Variants in PAX5 observed in about 807,000 individuals in gnomAD.
PAX5 encodes paired box protein Pax-5.
In PAX5, 9 loss-of-function variants were observed where a neutral mutation model predicts 43.7. The observed-to-expected ratio is 0.21, with a 90% CI of 0.12 to 0.36. PAX5 has a LOEUF of 0.36. PAX5 is among the 10% of genes least tolerant of loss of function. The pLI, the probability that PAX5 is intolerant of heterozygous loss-of-function variation, is 1.00. For synonymous variants in PAX5, 228 were observed against 214.3 expected (o/e 1.06, Z -0.56); for missense variants, 383 against 532.7 (o/e 0.72, Z 2.77).
chr9:37,019,205 CTT>C (rs1361917451), intron 2 of PAX5, among the ~76,000 whole-genome samples: 1 of 152,234 alleles, frequency 6.6e-6, no homozygotes, highest in East Asian at 1.9e-4. Context: ...TCTCTTTTCT[CTT>C]TGTCTTCTTT....
intron 3 of PAX5, among the ~76,000 whole-genome samples, chr9:37,009,210 G>A (rs1198971241): frequency 1.3e-5 from 2 of 152,152 alleles, no homozygotes; most frequent in African/African-American, 4.8e-5. Flanking sequence ...TCATTAAGAG[G>A]CTGCAGTAGC....
intron 6 of PAX5, among the ~76,000 whole-genome samples, chr9:36,964,943 C>A (rs1019347417): frequency 3.3e-5 from 5 of 152,160 alleles, no homozygotes; most frequent in African/African-American, 4.8e-5. Context: ...TCATCGCCCG[C>A]CCATCCCTGA....
intron 4 of PAX5, among the ~76,000 whole-genome samples, chr9:37,006,030 T>C (rs1308024876): frequency 2.0e-5 from 3 of 152,322 alleles, no homozygotes; most frequent in Middle Eastern, 3.4e-3. Flanking sequence ...TTGGGAACTT[T>C]TGCCACATCT....
intron 8 of PAX5, among the ~76,000 whole-genome samples, chr9:36,850,790 A>C (rs1587750482): frequency 6.6e-6 from 1 of 152,134 alleles, no homozygotes; most frequent in East Asian, 1.9e-4. Context: ...CGCTCTCTGG[A>C]GTTGGTCACA....
At chr9:36,929,301 G>C (rs1052028148) in intron 6 of PAX5, among the ~76,000 whole-genome samples, 20 of 151,838 alleles carry the variant, frequency 1.3e-4, no homozygotes, top group African/African-American at 4.6e-4. Flanking sequence ...ATGGATGAGA[G>C]AGAGAGAGAG....
chr9:36,981,691 C>T (rs1407351341), intron 5 of PAX5, among the ~76,000 whole-genome samples: 3 of 152,202 alleles, frequency 2.0e-5, no homozygotes, highest in Non-Finnish European at 4.4e-5. Context: ...TGAATGACAC[C>T]CCAGGGAAGA....
chr9:37,016,786 G>A (rs1044077070), intron 2 of PAX5, among the ~76,000 whole-genome samples: 7 of 152,224 alleles, frequency 4.6e-5, no homozygotes, highest in African/African-American at 9.6e-5. Flanking sequence ...GGTAGAAAAT[G>A]TTACCCAAGA....
intron 9 of PAX5, among the ~76,000 whole-genome samples, chr9:36,842,265 G>A (rs1270873586): frequency 6.6e-6 from 1 of 152,198 alleles, no homozygotes; most frequent in Non-Finnish European, 1.5e-5. Context: ...TGTCTGCAGT[G>A]CCTGCCCTTC....
intron 6 of PAX5, among the ~76,000 whole-genome samples, chr9:36,960,885 C>T (rs1833917361): frequency 6.6e-6 from 1 of 152,214 alleles, no homozygotes; most frequent in South Asian, 2.1e-4. Flanking sequence ...ATGCCTTCTC[C>T]AGCCCGCCAT....
At chr9:36,844,436 T>C (rs1487906212) in intron 9 of PAX5, among the ~76,000 whole-genome samples, 1 of 151,978 alleles carries the variant, frequency 6.6e-6, no homozygotes, top group Non-Finnish European at 1.5e-5. Flanking sequence ...GATAATAATA[T>C]GTGCTCTGTA....
chr9:36,990,913 C>G (rs1024212736), intron 5 of PAX5, among the ~76,000 whole-genome samples: 3 of 152,162 alleles, frequency 2.0e-5, no homozygotes, highest in African/African-American at 7.2e-5. Flanking sequence ...AGTTTGAGAC[C>G]AGCCTGGACA....
At chr9:36,945,150 G>A (rs905435933) in intron 6 of PAX5, among the ~76,000 whole-genome samples, 1 of 152,112 alleles carries the variant, frequency 6.6e-6, no homozygotes, top group Non-Finnish European at 1.5e-5. Flanking sequence ...CTATGAACTG[G>A]AAGATATTTG....
intron 7 of PAX5, among the ~76,000 whole-genome samples, chr9:36,894,304 T>C (rs1827668632): frequency 6.6e-6 from 1 of 152,238 alleles, no homozygotes; most frequent in Non-Finnish European, 1.5e-5. Flanking sequence ...ATTCAGAACA[T>C]ACCTGTCAAA....
intron 8 of PAX5, among the ~76,000 whole-genome samples, chr9:36,849,630 G>A (rs1156540672): frequency 2.6e-5 from 4 of 152,200 alleles, no homozygotes. Flanking sequence ...CACAGCCAGG[G>A]GTGTGTTGGA....
intron 5 of PAX5, among the ~76,000 whole-genome samples, chr9:36,982,736 G>A (rs988915712): frequency 2.0e-5 from 3 of 152,174 alleles, no homozygotes; most frequent in Non-Finnish European, 2.9e-5. Flanking sequence ...GCGGGGTCAC[G>A]TAGCTTTCAC....
intron 8 of PAX5, among the ~76,000 whole-genome samples, chr9:36,878,042 A>C (rs926732526): frequency 2.0e-5 from 3 of 152,292 alleles, no homozygotes; most frequent in African/African-American, 7.2e-5. Flanking sequence ...AACGAACCAC[A>C]AAACCTGGAG....
chr9:37,020,594 T>C (rs767388251), intron 2 of PAX5, 42 bp downstream of exon 2: 3 of 1,599,828 alleles, frequency 1.9e-6, no homozygotes, highest in Non-Finnish European at 2.6e-6. Context: ...TTTTAGGTCT[T>C]TATTTGAAAG....
At position 36,834,618 on chromosome 9, in the gene PAX5, C is replaced by A. The variant is rs1821514400; in HGVS notation, c.*5942G>T. 1 of 233,068 alleles carries A rather than the reference C, an allele frequency of 4.3e-6. No individual in the cohort carries two copies. Among genetic ancestry groups the A allele is most frequent in the Non-Finnish European group, 8.5e-6 (1 of 118,048 alleles). 14.4% of individuals were successfully genotyped at this position (233,068 alleles called of 1,614,324 possible). A position where few individuals can be genotyped will look rare whatever the true frequency, so the allele number is the denominator to read the frequency against. On this transcript the variant is annotated 3_prime_UTR_variant, in exon 10 of 10. Transcript: ENST00000358127. ...GTTCAACTCTCCATTTCCTCAAATA[C>A]AATAAAATAGTTTCATTAAAATGTA...
At chr9:36,918,082 A>G (rs1312000559) in intron 7 of PAX5, among the ~76,000 whole-genome samples, 1 of 152,124 alleles carries the variant, frequency 6.6e-6, no homozygotes, top group Non-Finnish European at 1.5e-5. Flanking sequence ...AGAGACATCA[A>G]TACTGAAATT....
Sources: gnomAD v4.1 joint callset for allele counts (sites outside exome capture counted in the v4.1 genomes callset) on GRCh38, gnomAD v4.1.1 for gene constraint, MANE v1.5 for transcripts, NCBI Gene and HGNC (gene_info 2026-07-23, HGNC 2026-07-21) for gene names.